BAX: variants seen among roughly 807,000 people sequenced by gnomAD.
The protein encoded by BAX is apoptosis regulator BAX.
In BAX, 21 loss-of-function variants were observed where a neutral mutation model predicts 26.8. The observed-to-expected ratio is 0.78, with a 90% CI of 0.56 to 1.13. The LOEUF (loss-of-function observed/expected upper bound fraction) is 1.13. Ranked by LOEUF, BAX falls within the 50% of genes most tolerant of loss-of-function variation. The pLI is 0.00. For synonymous variants in BAX, 110 were observed against 101.8 expected (o/e 1.08, Z -0.49); for missense variants, 236 against 254.6 (o/e 0.93, Z 0.50).
intron 4 of BAX, among the ~76,000 whole-genome samples, chr19:48,956,819 C>CTTTTTTTTTTTTTT (rs56251427): frequency 1.1e-5 from 1 of 87,388 alleles, no homozygotes; most frequent in Non-Finnish European, 2.1e-5. Context: ...TTATCCCTGG[C>CTTTTTTTTTTTTTT]TTTTTTTTTT....
intron 5 of BAX, 174 bp from the exon 6 acceptor site, chr19:48,961,358 A>T: frequency 7.9e-7 from 1 of 1,271,304 alleles, no homozygotes. Context: ...AAGTGCTGGG[A>T]TTACAGGTGT....
intron 4 of BAX, chr19:48,960,216 C>A: frequency 2.2e-6 from 1 of 444,556 alleles, no homozygotes; most frequent in South Asian, 1.6e-5. Flanking sequence ...TTTTTTGAGA[C>A]GGATTCTTGC....
Position 48,961,588 on chromosome 19 carries a change from G to T in BAX, c.531G>T (p.Val177=). 1 of 1,604,682 alleles carries T rather than the reference G, an allele frequency of 6.2e-7. No individual in the cohort carries two copies. The highest frequency in any genetic ancestry group is 8.5e-7 in the Non-Finnish European group (1 of 1,175,498). Residue 177 remains valine, a synonymous_variant, in exon 6 of 6, where the codon GTG becomes GTT. Transcript: ENST00000345358. ...TPTWQTVTIF[V]AGVLTASLTI... ...CGTGGCAGACCGTGACCATCTTTGT[G>T]GCGGGAGTGCTCACCGCCTCACTCA...
rs373416805 is a variant in BAX, at chr19:48,961,754, G to A, written c.*118G>A. ...ACTTTTGTAATTATTGGGGGGTGTG[G>A]GGAAGAGTGGTCTTGAGGGGGTAAT... On this transcript the variant is annotated 3_prime_UTR_variant, in exon 6 of 6. Coordinates refer to ENST00000345358, the MANE Select transcript of BAX (RefSeq NM_138761.4). 1 of 929,740 alleles carries A rather than the reference G, an allele frequency of 1.1e-6. No homozygotes were observed. Among genetic ancestry groups the A allele is most frequent in the African/African-American group, 1.7e-5 (1 of 60,494 alleles). The allele number at this position is 929,740 out of a possible 1,614,324, so 57.6% of individuals were successfully genotyped here.
chr19:48,961,781 A>G lies in BAX; in HGVS notation c.*145A>G. On this transcript the variant is annotated 3_prime_UTR_variant, in exon 6 of 6. Coordinates refer to ENST00000345358, the MANE Select transcript of BAX (RefSeq NM_138761.4). ...GAAGAGTGGTCTTGAGGGGGTAATA[A>G]ACCTCCTTCGGGACACACTTCGGCA... is the stretch of plus-strand genomic sequence containing the variant. 1.4e-6 allele frequency: 1 copy of G among 726,848 alleles called. No homozygotes were observed. The highest frequency in any genetic ancestry group is 2.2e-6 in the Non-Finnish European group (1 of 447,016). The allele number at this position is 726,848 out of a possible 1,614,324, so 45.0% of individuals were successfully genotyped here. A position where few individuals can be genotyped will look rare whatever the true frequency, so the allele number is the denominator to read the frequency against.
At chr19:48,959,577 G>C (rs1280635651) in intron 4 of BAX, among the ~76,000 whole-genome samples, 6 of 150,718 alleles carry the variant, frequency 4.0e-5, no homozygotes, top group African/African-American at 1.2e-4. Flanking sequence ...CACTTTGGGA[G>C]GCTGAGGCAT....
chr19:48,960,938 C>T lies in BAX; in HGVS notation c.474+24C>T, dbSNP rs775087033. Reference sequence around the variant, plus strand: ...GGGTGAGACTCCTCAAGCCTCCTCACCCCCACCACCGCGCCCTCACCACCG... The same window carrying T: ...GGGTGAGACTCCTCAAGCCTCCTCATCCCCACCACCGCGCCCTCACCACCG... On this transcript the variant is annotated intron_variant, in intron 5 of 5. Transcript: ENST00000345358. The T allele has an allele frequency of 2.5e-6, 4 of 1,613,290 alleles. No homozygotes were observed. In the African/African-American group the frequency reaches 4.0e-5, roughly 16 times the overall value.
intron 3 of BAX, 96 bp from the exon 4 acceptor site, chr19:48,956,102 C>A (rs1157861266): frequency 1.4e-6 from 2 of 1,398,470 alleles, no homozygotes; most frequent in Non-Finnish European, 1.9e-6. Flanking sequence ...TGGCTTGGGG[C>A]TCAGTCTCCT....
rs768514533 is a variant in BAX at position 48,955,844 on chromosome 19, C to G, written c.233+11C>G. 2 of 1,572,638 alleles carry G rather than the reference C, an allele frequency of 1.3e-6. No homozygotes were observed. Among genetic ancestry groups the G allele is most frequent in the Non-Finnish European group, 8.6e-7 (1 of 1,157,072 alleles). On this transcript the variant is annotated intron_variant, in intron 3 of 5. Coordinates refer to ENST00000345358, the MANE Select transcript of BAX (RefSeq NM_138761.4). ...CATGGAGCTGCAGAGGTGTGGGCCC[C>G]TGAGGACCCAGAAGTCCAGCCACTG... is the stretch of plus-strand genomic sequence containing the variant.
At chr19:48,960,760 A>T (rs767216467) in intron 4 of BAX, 50 bp from the exon 5 acceptor site, 1 of 1,470,488 alleles carries the variant, frequency 6.8e-7, no homozygotes, top group Admixed American at 1.9e-5. Context: ...CACTATCTCC[A>T]GGCAGTGGGG....
chr19:48,960,567 T>C lies in BAX; in HGVS notation c.370-243T>C, dbSNP rs74769259. Reference sequence around the variant, plus strand: ...TAGTAGAGATGGCATTACTCCGTATTGGTCAGGCTGGTCTTGAACTCCCGA... The same window carrying C: ...TAGTAGAGATGGCATTACTCCGTATCGGTCAGGCTGGTCTTGAACTCCCGA... On this transcript the variant is annotated intron_variant, in intron 4 of 5. Transcript: ENST00000345358. Among the ~76,000 whole-genome samples, 4 of 152,290 alleles carry C rather than the reference T, an allele frequency of 2.6e-5. No homozygotes were observed. The East Asian group carries it at 5.8e-4, about 22-fold the overall frequency.
chr19:48,961,244 TCTTTC>T (rs975564923), intron 5 of BAX: 1 of 1,435,208 alleles, frequency 7.0e-7, no homozygotes. Context: ...TGACCCTAGC[TCTTTC>T]CTTTTTTTTT....
chr19:48,959,857 T>A (rs964473889), intron 4 of BAX, among the ~76,000 whole-genome samples: 2 of 148,548 alleles, frequency 1.3e-5, no homozygotes, highest in Non-Finnish European at 3.0e-5. Context: ...GCCAGGCATG[T>A]TGGCAGGCAC....
intron 4 of BAX, 63 bp from the exon 5 acceptor site, chr19:48,960,747 G>A: frequency 7.4e-7 from 1 of 1,360,178 alleles, no homozygotes; most frequent in Non-Finnish European, 1.0e-6. Context: ...GGAGGTTTGG[G>A]GCCACTATCT....
At chr19:48,959,410 G>A (rs2038265103) in intron 4 of BAX, among the ~76,000 whole-genome samples, 1 of 150,240 alleles carries the variant, frequency 6.7e-6, no homozygotes, top group Non-Finnish European at 1.5e-5. Context: ...TGCCCTGAGA[G>A]CTGAAGGGTA....
rs141306106 is a variant in BAX, at chr19:48,955,714, G to A, written c.114G>A (p.Met38Ile). ...TCATCCAGGATCGAGCAGGGCGAAT[G>A]GGGGGGGAGGCACCCGAGCTGGCCC... ...QGFIQDRAGRMGGEAPELALD... is the reference protein window; with the variant it reads ...QGFIQDRAGRIGGEAPELALD... The change falls in exon 3 of 6, where the codon ATG becomes ATA. Residue 38 changes from methionine to isoleucine, a missense_variant. Met to Ile is a conservative substitution (Grantham distance 10). Transcript: ENST00000345358. 16 of 1,606,318 alleles carry A rather than the reference G, an allele frequency of 1.0e-5. No homozygotes were observed. The highest frequency in any genetic ancestry group is 6.7e-5 in the East Asian group (3 of 44,618).
At chr19:48,959,695 G>A (rs192853123) in intron 4 of BAX, among the ~76,000 whole-genome samples, 24 of 150,870 alleles carry the variant, frequency 1.6e-4, no homozygotes, top group Admixed American at 8.6e-4. Flanking sequence ...GTGTGGTGGC[G>A]GATGCCTGTA....
chr19:48,961,742 T>G lies in BAX; in HGVS notation c.*106T>G. ...GGCATTTTTCTTACTTTTGTAATTA[T>G]TGGGGGGTGTGGGGAAGAGTGGTCT... On this transcript the variant is annotated 3_prime_UTR_variant, in exon 6 of 6. Coordinates refer to ENST00000345358, the MANE Select transcript of BAX (RefSeq NM_138761.4). The G allele has an allele frequency of 4.4e-6, 4 of 908,846 alleles. No homozygotes were observed. Among genetic ancestry groups the G allele is most frequent in the Non-Finnish European group, 6.4e-6 (4 of 622,298 alleles). The allele number at this position is 908,846 out of a possible 1,614,324, so 56.3% of individuals were successfully genotyped here. A position where few individuals can be genotyped will look rare whatever the true frequency, so the allele number is the denominator to read the frequency against.
chr19:48,956,090 C>G (rs2038117639), intron 3 of BAX, 108 bp from the exon 4 acceptor site: 1 of 1,370,062 alleles, frequency 7.3e-7, no homozygotes, highest in Admixed American at 2.7e-5. Context: ...TTCATTTCAG[C>G]CTGGCTTGGG....
Sources: allele counts gnomAD v4.1 joint callset (sites outside exome capture counted in the v4.1 genomes callset), GRCh38; gene constraint gnomAD v4.1.1; transcripts MANE v1.5; gene names NCBI Gene and HGNC (gene_info 2026-07-23, HGNC 2026-07-21).